CFAP47: variants seen among roughly 807,000 people sequenced by gnomAD.
The protein encoded by CFAP47 is cilia- and flagella-associated protein 47.
CFAP47 carries 29 observed loss-of-function variants against 148.1 expected under a neutral mutation model. The ratio of observed to expected loss-of-function variants is 0.20; its 90% CI spans 0.15 to 0.27. The LOEUF is 0.27. CFAP47 is among the 10% of genes least tolerant of loss of function. CFAP47 has a pLI of 1.00. For missense variants in CFAP47, 1,872 were observed against 1,697.5 expected (o/e 1.10, Z -1.81); for synonymous variants, 664 against 577.3 (o/e 1.15, Z -2.15).
intron 23 of CFAP47, among the ~76,000 whole-genome samples, chrX:36,031,606 A>C (rs1175857244): frequency 9.1e-6 from 1 of 110,073 alleles, no homozygotes; most frequent in African/African-American, 3.3e-5. Context: ...AATTAATAAG[A>C]ATATTAAAAT....
intron 39 of CFAP47, among the ~76,000 whole-genome samples, chrX:36,172,131 T>G (rs1489188058): frequency 1.9e-5 from 2 of 105,623 alleles, no homozygotes; most frequent in African/African-American, 3.4e-5. Context: ...ATGCTTGTGA[T>G]TTTTGTACAT....
intron 57 of CFAP47, among the ~76,000 whole-genome samples, chrX:36,341,433 C>T (rs988018865): frequency 1.3e-4 from 14 of 111,057 alleles, no homozygotes; most frequent in African/African-American, 2.9e-4. Context: ...TATTAAAAAA[C>T]GGGAGCAGAA....
At position 36,182,436 on chromosome X, in the gene CFAP47, G is replaced by A. The variant is rs147329470; in HGVS notation, c.6104+3014G>A. 6.8e-3 allele frequency among the ~76,000 whole-genome samples: 764 copies of A among 111,853 alleles called. 14 individuals are homozygous for A. The highest frequency in any genetic ancestry group is 0.024 in the African/African-American group (730 of 30,807). On this transcript the variant is annotated intron_variant, in intron 40 of 63. Transcript: ENST00000378653. Reference sequence around the variant, plus strand: ...CTTTTATCCGCAAGTAGCACAAAACGATCTAATATTTCATCAATCTGGCTT... The same window carrying A: ...CTTTTATCCGCAAGTAGCACAAAACAATCTAATATTTCATCAATCTGGCTT...
chrX:36,231,166 G>A (rs1275587781), intron 46 of CFAP47, among the ~76,000 whole-genome samples: 2 of 111,594 alleles, frequency 1.8e-5, no homozygotes, highest in East Asian at 2.8e-4. Context: ...TTGGTAGCTT[G>A]ATGGGGATGG....
intron 2 of CFAP47, among the ~76,000 whole-genome samples, chrX:35,935,509 G>A (rs1935897374): frequency 9.1e-6 from 1 of 109,628 alleles, no homozygotes; most frequent in Non-Finnish European, 1.9e-5. Context: ...CTCTTTCAGT[G>A]ATATGAAGTT....
At chrX:36,039,322 C>A (rs746807975) in intron 25 of CFAP47, 143 bp downstream of exon 25, 99 of 307,047 alleles carry the variant, frequency 3.2e-4, no homozygotes, top group African/African-American at 2.6e-3. Context: ...TAAAATTTAA[C>A]AAAAAAACCA....
At chrX:36,190,849 T>C (rs937049045) in intron 42 of CFAP47, among the ~76,000 whole-genome samples, 1 of 111,022 alleles carries the variant, frequency 9.0e-6, no homozygotes, top group Non-Finnish European at 1.9e-5. Flanking sequence ...GTTTATAGCA[T>C]TACCTGCTTC....
rs910692388 is a variant in CFAP47, at chrX:35,939,313, CTTTAAG to C, written c.402-1963_402-1958del. On this transcript the variant is annotated intron_variant, in intron 2 of 63. Transcript: ENST00000378653. Reference sequence around the variant, plus strand: ...TTAATTTAATTTTATTATTATTATACTTTAAGTTTAAGGGTACATGTGCACAATGTG... The same window carrying C: ...TTAATTTAATTTTATTATTATTATACTTTAAGGGTACATGTGCACAATGTG... Among the ~76,000 whole-genome samples, 15 of 107,931 alleles carry C rather than the reference CTTTAAG, an allele frequency of 1.4e-4. No individual in the cohort carries two copies. The East Asian group carries it at 2.6e-3, about 19-fold the overall frequency. The allele number at this position is 107,931 out of a possible 115,157, so 93.7% of individuals were successfully genotyped here.
chrX:36,209,660 A>G (rs1940078474), intron 45 of CFAP47, among the ~76,000 whole-genome samples: 1 of 111,615 alleles, frequency 9.0e-6, no homozygotes, highest in South Asian at 3.7e-4. Flanking sequence ...ACATCAAGTA[A>G]AAAATAAAAG....
chrX:36,000,255 C>T (rs1003233720), intron 19 of CFAP47, 28 bp from the exon 20 acceptor site: 6 of 284,345 alleles, frequency 2.1e-5, no homozygotes, highest in African/African-American at 1.7e-4. Context: ...ATTCTATTTT[C>T]TAATTATTTT....
intron 62 of CFAP47, chrX:36,374,685 C>G: frequency 2.8e-6 from 1 of 351,579 alleles, no homozygotes; most frequent in South Asian, 4.4e-5. Flanking sequence ...CTTAATACTA[C>G]TTTTGCTGCA....
chrX:35,987,725 G>A (rs913043861), intron 15 of CFAP47, among the ~76,000 whole-genome samples: 2 of 111,742 alleles, frequency 1.8e-5, no homozygotes, highest in Non-Finnish European at 1.9e-5. Context: ...TGAAACCTAG[G>A]GCTCTGGTGG....
chrX:36,074,785 C>A (rs180711360), intron 29 of CFAP47, among the ~76,000 whole-genome samples: 1 of 111,107 alleles, frequency 9.0e-6, no homozygotes, highest in Admixed American at 9.6e-5. Flanking sequence ...CAACATCTCT[C>A]GGGTCCCTCA....
intron 30 of CFAP47, among the ~76,000 whole-genome samples, chrX:36,089,460 T>C (rs1308509619): frequency 8.9e-6 from 1 of 112,284 alleles, no homozygotes; most frequent in African/African-American, 3.2e-5. Flanking sequence ...TCTTATTTAA[T>C]GGAATTGCAT....
chrX:36,032,621 A>G (rs1369155965), intron 23 of CFAP47, among the ~76,000 whole-genome samples: 1 of 111,072 alleles, frequency 9.0e-6, no homozygotes, highest in Admixed American at 9.7e-5. Context: ...AAAAAATAGG[A>G]AGTGGAGCTG....
At chrX:36,166,970 G>C (rs956511722) in intron 39 of CFAP47, among the ~76,000 whole-genome samples, 2 of 111,478 alleles carry the variant, frequency 1.8e-5, no homozygotes, top group Non-Finnish European at 3.8e-5. Context: ...TTCCCTGCGT[G>C]GGGTGGGGGT....
intron 58 of CFAP47, among the ~76,000 whole-genome samples, chrX:36,349,249 C>A (rs781879662): frequency 7.2e-4 from 80 of 111,408 alleles, no homozygotes; most frequent in African/African-American, 2.4e-3. Flanking sequence ...CAAAAATGAT[C>A]ATAAATTTTT....
chrX:35,967,669 T>C lies in CFAP47; in HGVS notation c.1651T>C (p.Leu551=), dbSNP rs1936427277. The change falls in exon 10 of 64, where the codon TTG becomes CTG. Residue 551 remains leucine (L), a synonymous_variant. Transcript: ENST00000378653. ...CACGGGAAAGTTTGTGGTCAAAGACTTGGCAAAACGCAAGAATTATGCACC... is the reference window on the plus strand; with the variant it reads ...CACGGGAAAGTTTGTGGTCAAAGACCTGGCAAAACGCAAGAATTATGCACC... ...NPTGKFVVKD[L]AKRKNYAPVA... 1 of 1,210,421 alleles carries C rather than the reference T, an allele frequency of 8.3e-7. No individual in the cohort carries two copies. The highest frequency in any genetic ancestry group is 1.1e-6 in the Non-Finnish European group (1 of 894,785).
intron 49 of CFAP47, among the ~76,000 whole-genome samples, chrX:36,254,792 G>A (rs1228899753): frequency 1.8e-5 from 2 of 111,323 alleles, no homozygotes; most frequent in African/African-American, 6.5e-5. Context: ...ATACTGAAGG[G>A]CAAGGGAGTT....
Sources: gnomAD v4.1 joint callset for allele counts (sites outside exome capture counted in the v4.1 genomes callset) on GRCh38, gnomAD v4.1.1 for gene constraint, MANE v1.5 for transcripts, NCBI Gene and HGNC (gene_info 2026-07-23, HGNC 2026-07-21) for gene names.